TOPBP1: variants seen among roughly 807,000 people sequenced by gnomAD.
TOPBP1 encodes DNA topoisomerase 2-binding protein 1.
A neutral mutation model predicts 167.7 loss-of-function variants in TOPBP1; 28 were observed. The ratio of observed to expected loss-of-function variants is 0.17; its 90% confidence interval spans 0.12 to 0.23. The LOEUF (loss-of-function observed/expected upper bound fraction) is 0.23. TOPBP1 is among the 10% of genes least tolerant of loss of function. The pLI is 1.00. For missense variants in TOPBP1, 1,554 were observed against 1,809.6 expected (o/e 0.86, Z 2.56); for synonymous variants, 598 against 611.4 (o/e 0.98, Z 0.32).
At chr3:133,660,754 G>C (rs868539661) in intron 2 of TOPBP1, among the ~76,000 whole-genome samples, 1 of 151,998 alleles carries the variant, frequency 6.6e-6, no homozygotes, top group East Asian at 1.9e-4. Context: ...TCTACAGCAC[G>C]CAAAGGACCA....
intron 16 of TOPBP1, 67 bp from the exon 17 acceptor site, chr3:133,624,242 T>C: frequency 6.5e-7 from 1 of 1,547,534 alleles, no homozygotes; most frequent in Non-Finnish European, 8.8e-7. Context: ...AGATGATTCT[T>C]ATTTACTGTG....
In TOPBP1 at chr3:133,623,175, C is replaced by G; in HGVS notation, c.3094G>C (p.Glu1032Gln). 1 of 1,612,028 alleles carries G rather than the reference C, an allele frequency of 6.2e-7. No homozygotes were observed. Among genetic ancestry groups the G allele is most frequent in the Non-Finnish European group, 8.5e-7 (1 of 1,179,018 alleles). ...KDDEPDPLIL[E>Q]ENDVDNMATN... ...GCCATATTGTCTACATCATTTTCTTCTAAAATCAAAGGATCTGGCTATTGA... is the reference window on the plus strand; with the variant it reads ...GCCATATTGTCTACATCATTTTCTTGTAAAATCAAAGGATCTGGCTATTGA... Residue 1032 changes from glutamate (E) to glutamine (Q), a missense_variant, in exon 19 of 28, where the codon GAA becomes CAA. Glu to Gln is a conservative substitution (Grantham distance 29, BLOSUM62 2). Coordinates refer to ENST00000260810, the MANE Select transcript of TOPBP1 (RefSeq NM_007027.4).
chr3:133,611,757 A>T (rs1222483612), intron 24 of TOPBP1, among the ~76,000 whole-genome samples: 1 of 152,172 alleles, frequency 6.6e-6, no homozygotes, highest in African/African-American at 2.4e-5. Flanking sequence ...GAAATCTGAG[A>T]TTTACTTTTT....
chr3:133,618,171 T>C (rs1033553818), intron 21 of TOPBP1, 42 bp downstream of exon 21: 5 of 1,516,350 alleles, frequency 3.3e-6, no homozygotes, highest in Admixed American at 1.7e-5. Flanking sequence ...GAGGTCAACA[T>C]GTACTTAATA....
At chr3:133,635,707 T>TAATC (rs1935647890) in intron 14 of TOPBP1, among the ~76,000 whole-genome samples, 1 of 152,216 alleles carries the variant, frequency 6.6e-6, no homozygotes, top group South Asian at 2.1e-4. Context: ...TGAACTGGTA[T>TAATC]AATCACTTTG....
At chr3:133,640,684 C>G (rs1576304719) in intron 12 of TOPBP1, among the ~76,000 whole-genome samples, 1 of 152,276 alleles carries the variant, frequency 6.6e-6, no homozygotes, top group East Asian at 1.9e-4. Flanking sequence ...GTTGGGATTA[C>G]AGGCGTGAAC....
At chr3:133,610,171 T>C (rs1934626209) in intron 25 of TOPBP1, among the ~76,000 whole-genome samples, 1 of 150,506 alleles carries the variant, frequency 6.6e-6, no homozygotes, top group Admixed American at 6.6e-5. Flanking sequence ...GAGCATTCCT[T>C]ATATCCCTGG....
rs964672950 is a variant in TOPBP1, at chr3:133,600,593, C to A, written c.*657G>T. 2 of 152,648 alleles carry A rather than the reference C, an allele frequency of 1.3e-5. No homozygotes were observed. The highest frequency in any genetic ancestry group is 2.9e-5 in the Non-Finnish European group (2 of 68,044). The allele number at this position is 152,648 out of a possible 1,614,324, so 9.5% of individuals were successfully genotyped here. On this transcript the variant is annotated 3_prime_UTR_variant, in exon 28 of 28. Transcript: ENST00000260810. ...ATGTTTTGTTGCTTCAACAGAAGAA[C>A]AGATGCCAGGGTGCTCTTTTAAAAA...
In TOPBP1 at chr3:133,617,219, C is replaced by T; in HGVS notation, c.3700G>A (p.Ala1234Thr). 1 of 1,613,750 alleles carries T rather than the reference C, an allele frequency of 6.2e-7. No individual in the cohort carries two copies. ...KDSHLIPTPQ[A>T]PSIAFPLANP... ...GCGAGTGGAAAGGCAATACTGGGGG[C>T]TTGAGGCGTAGGGATCAGGTGGCTG... The change falls in exon 22 of 28, where the codon GCC becomes ACC. Residue 1234 changes from alanine to threonine, a missense_variant. Ala to Thr is a moderately conservative substitution (Grantham distance 58, BLOSUM62 0). Around this residue, in one of 3 missense-constraint regions of TOPBP1, gnomAD observed 351 missense variants for 432.9 expected, o/e 0.81. Coordinates refer to ENST00000260810, the MANE Select transcript of TOPBP1 (RefSeq NM_007027.4).
chr3:133,608,897 G>A lies in TOPBP1; in HGVS notation c.4239C>T (p.Arg1413=). 6.2e-7 allele frequency: 1 copy of A among 1,613,022 alleles called. No individual in the cohort carries two copies. Among genetic ancestry groups the A allele is most frequent in the East Asian group, 2.2e-5 (1 of 44,864 alleles). Residue 1413 remains arginine, a synonymous_variant, in exon 26 of 28, where the codon CGC becomes CGT. Transcript: ENST00000260810. ...CCTTTGCTCCTCCTGACTGAAGAAG[G>A]CGTTTGAAGCCTGCTTCTCGAGACT... The part of the protein sequence containing the change: ...VDQSREAGFK[R]LLQSGGAKVL...
intron 3 of TOPBP1, 21 bp from the exon 4 acceptor site, chr3:133,657,962 T>C: frequency 6.6e-7 from 1 of 1,519,294 alleles, no homozygotes; most frequent in African/African-American, 1.4e-5. Context: ...GAGAAAAGTT[T>C]AAATGAGTTA....
chr3:133,606,166 C>G (rs4854737), intron 27 of TOPBP1, among the ~76,000 whole-genome samples: 61,038 of 151,854 alleles, frequency 0.4, 12,761 homozygotes, highest in East Asian at 0.54. Context: ...CCAGCCTGGG[C>G]AACAGAGTGA....
rs1486926950 is a variant in TOPBP1, at chr3:133,643,219, C to T, written c.2002G>A (p.Ala668Thr). 9 of 1,597,866 alleles carry T rather than the reference C, an allele frequency of 5.6e-6. No individual in the cohort carries two copies. The highest frequency in any genetic ancestry group is 3.3e-4 in the Middle Eastern group (2 of 5,974). ...GAEKESLTFLANLLGASVQEY... is the reference protein window; with the variant it reads ...GAEKESLTFLTNLLGASVQEY... ...ACATACCTTGCTCCAAGGAGGTTTG[C>T]TAGGAATGTTAAAGACTCTTTTTCT... Residue 668 changes from alanine to threonine, a missense_variant, in exon 12 of 28, where the codon GCA becomes ACA. Around this residue, in one of 3 missense-constraint regions of TOPBP1, gnomAD observed 1,197 missense variants for 1,351.5 expected, o/e 0.89. Transcript: ENST00000260810.
In TOPBP1 at chr3:133,659,198, A is replaced by G. The variant is rs370748918; in HGVS notation, c.85-48T>C. ...AATGTACCTGAAATTACTCTCCTGT[A>G]TTTAGGTCCTATTCAAATTCCATCT... On this transcript the variant is annotated intron_variant, in intron 2 of 27. Transcript: ENST00000260810. 1.2e-5 allele frequency: 18 copies of G among 1,472,860 alleles called. No homozygotes were observed. In the African/African-American group the frequency reaches 2.3e-4, roughly 18 times the overall value. 91.2% of individuals were successfully genotyped at this position (1,472,860 alleles called of 1,614,324 possible).
At chr3:133,651,067 A>T (rs1936277742) in intron 8 of TOPBP1, among the ~76,000 whole-genome samples, 1 of 149,714 alleles carries the variant, frequency 6.7e-6, no homozygotes, top group Non-Finnish European at 1.5e-5. Context: ...ACTGCACTCC[A>T]GCCTGGGCGA....
chr3:133,647,761 T>C (rs892159787), intron 10 of TOPBP1, among the ~76,000 whole-genome samples: 1 of 152,106 alleles, frequency 6.6e-6, no homozygotes, highest in Admixed American at 6.6e-5. Context: ...GAAAATTTAA[T>C]GGATGGGTAA....
intron 27 of TOPBP1, among the ~76,000 whole-genome samples, chr3:133,607,468 C>T (rs575886557): frequency 1.3e-5 from 2 of 151,822 alleles, no homozygotes; most frequent in East Asian, 1.9e-4. Flanking sequence ...GTAAATATTT[C>T]GTTTTTTAAG....
chr3:133,633,705 T>G (rs1316363405), intron 14 of TOPBP1, among the ~76,000 whole-genome samples: 2 of 152,206 alleles, frequency 1.3e-5, no homozygotes, highest in Non-Finnish European at 2.9e-5. Context: ...GGTGGAAGTA[T>G]TGCTTGAGTC....
intron 16 of TOPBP1, among the ~76,000 whole-genome samples, chr3:133,626,165 G>A (rs1935260760): frequency 6.6e-6 from 1 of 152,206 alleles, no homozygotes; most frequent in African/African-American, 2.4e-5. Context: ...GTATGTGAAA[G>A]CAGTCATAGG....
Sources: allele counts gnomAD v4.1 joint callset (sites outside exome capture counted in the v4.1 genomes callset), GRCh38; gene constraint gnomAD v4.1.1; regional missense constraint gnomAD v4.1.1; transcripts MANE v1.5; gene names NCBI Gene and HGNC (gene_info 2026-07-23, HGNC 2026-07-21).